Variants in DYNC1I1 observed in about 807,000 individuals in gnomAD.
The protein encoded by DYNC1I1 is dynein cytoplasmic 1 intermediate chain 1.
DYNC1I1 carries 43 observed loss-of-function variants against 86.6 expected under a neutral mutation model. The ratio of observed to expected loss-of-function variants is 0.50; its 90% CI spans 0.39 to 0.64. The LOEUF is 0.64. DYNC1I1 is among the 30% of genes least tolerant of loss of function. The probability of loss-of-function intolerance (pLI) is 0.00; values close to 1 mark genes in which losing one functional copy is unlikely to be tolerated. For synonymous variants in DYNC1I1, 262 were observed against 283.7 expected (o/e 0.92, Z 0.77); for missense variants, 604 against 788.8 (o/e 0.77, Z 2.81).
chr7:95,833,125 C>G (rs1261780632), intron 5 of DYNC1I1, among the ~76,000 whole-genome samples: 1 of 147,774 alleles, frequency 6.8e-6, no homozygotes, highest in Non-Finnish European at 1.5e-5. Flanking sequence ...AGTCTTTAAT[C>G]CATCTTGAAT....
chr7:95,783,853 T>C (rs980984445), intron 1 of DYNC1I1, among the ~76,000 whole-genome samples: 2 of 152,248 alleles, frequency 1.3e-5, no homozygotes, highest in Admixed American at 6.5e-5. Context: ...TGCTTGCCTG[T>C]ACCTAATTTT....
At chr7:96,048,761 C>T (rs1195801581) in intron 14 of DYNC1I1, among the ~76,000 whole-genome samples, 1 of 152,100 alleles carries the variant, frequency 6.6e-6, no homozygotes, top group Non-Finnish European at 1.5e-5. Context: ...CCACCTGCAA[C>T]AAGGTTTCCT....
chr7:95,811,753 A>G (rs1794835570), intron 3 of DYNC1I1, among the ~76,000 whole-genome samples: 1 of 152,052 alleles, frequency 6.6e-6, no homozygotes, highest in Admixed American at 6.6e-5. Flanking sequence ...TGACTGATGG[A>G]CCTTCTTTTC....
intron 2 of DYNC1I1, among the ~76,000 whole-genome samples, chr7:95,806,795 AG>A (rs1469807747): frequency 2.0e-5 from 3 of 152,080 alleles, no homozygotes; most frequent in African/African-American, 7.2e-5. Context: ...CTCCCCTCAA[AG>A]AGGTCTTTCC....
At chr7:96,084,025 C>G (rs1459043268) in intron 16 of DYNC1I1, among the ~76,000 whole-genome samples, 1 of 152,116 alleles carries the variant, frequency 6.6e-6, no homozygotes, top group Non-Finnish European at 1.5e-5. Flanking sequence ...CATATTCATT[C>G]TCCCAGTGTT....
chr7:95,904,923 G>T (rs1353522130), intron 6 of DYNC1I1, among the ~76,000 whole-genome samples: 2 of 152,142 alleles, frequency 1.3e-5, no homozygotes, highest in Non-Finnish European at 2.9e-5. Context: ...TCACATCTCT[G>T]TTCAAAGTTT....
intron 10 of DYNC1I1, among the ~76,000 whole-genome samples, chr7:96,018,536 A>G (rs930922971): frequency 1.3e-5 from 2 of 152,196 alleles, no homozygotes; most frequent in African/African-American, 2.4e-5. Context: ...GTAAATAGCC[A>G]TGTAGCCGGG....
intron 5 of DYNC1I1, among the ~76,000 whole-genome samples, chr7:95,831,005 A>G (rs575375183): frequency 1.3e-5 from 2 of 152,252 alleles, no homozygotes; most frequent in South Asian, 2.1e-4. Context: ...TATTTGCCAT[A>G]TGAGTATCCT....
intron 6 of DYNC1I1, among the ~76,000 whole-genome samples, chr7:95,911,358 A>G (rs991260496): frequency 6.6e-6 from 1 of 152,150 alleles, no homozygotes; most frequent in Non-Finnish European, 1.5e-5. Flanking sequence ...GAGGCAGATT[A>G]TTGGAGTGGG....
At chr7:95,942,398 A>C (rs1459487384) in intron 6 of DYNC1I1, among the ~76,000 whole-genome samples, 1 of 152,218 alleles carries the variant, frequency 6.6e-6, no homozygotes, top group East Asian at 1.9e-4. Flanking sequence ...CCAACCAAAA[A>C]GAGCCCAGGA....
intron 14 of DYNC1I1, among the ~76,000 whole-genome samples, chr7:96,042,884 G>A (rs192553377): frequency 6.6e-6 from 1 of 152,158 alleles, no homozygotes; most frequent in Admixed American, 6.5e-5. Context: ...AAAATGGGCC[G>A]GGGACTGTGG....
At chr7:95,982,997 A>G (rs1177616906) in intron 7 of DYNC1I1, among the ~76,000 whole-genome samples, 1 of 152,172 alleles carries the variant, frequency 6.6e-6, no homozygotes, top group African/African-American at 2.4e-5. Context: ...AAGTTTAGGT[A>G]TCATCCCCAT....
Position 95,867,182 on chromosome 7 carries a change from C to A in DYNC1I1, c.375-2701C>A, listed in dbSNP as rs542473004. On this transcript the variant is annotated intron_variant, in intron 5 of 16. Coordinates refer to ENST00000447467, the MANE Select transcript of DYNC1I1 (RefSeq NM_001135556.2). The stretch of plus-strand genomic sequence containing the variant: ...CTTCAACTCTACTATCTTAAGGAAT[C>A]TTTAATGTAGGACACTCCTAAATCT... 1.4e-3 allele frequency among the ~76,000 whole-genome samples: 206 copies of A among 152,296 alleles called. 1 individual carries two copies. Among genetic ancestry groups the A allele is most frequent in the Non-Finnish European group, 2.9e-4 (20 of 68,034 alleles).
intron 2 of DYNC1I1, 32 bp from the exon 3 acceptor site, chr7:95,810,360 T>C (rs1330939283): frequency 6.4e-7 from 1 of 1,554,250 alleles, no homozygotes; most frequent in Non-Finnish European, 8.8e-7. Flanking sequence ...TTAGTTATGT[T>C]ATTAACTTTT....
At chr7:95,852,486 T>C (rs978101308) in intron 5 of DYNC1I1, among the ~76,000 whole-genome samples, 8 of 152,074 alleles carry the variant, frequency 5.3e-5, no homozygotes, top group African/African-American at 1.7e-4. Context: ...TTCTAGTCTT[T>C]ATTTTTCTTC....
rs116077077 is a variant in DYNC1I1 at position 95,946,878 on chromosome 7, G to A, written c.491-30634G>A. On this transcript the variant is annotated intron_variant, in intron 6 of 16. Transcript: ENST00000447467. ...GTGTGCTATAGAGAAGAAAAGGAGTGGAGTAAAAGAGACAGACAGCTGGTT... is the reference window on the plus strand; with the variant it reads ...GTGTGCTATAGAGAAGAAAAGGAGTAGAGTAAAAGAGACAGACAGCTGGTT... Among the ~76,000 whole-genome samples the A allele has an allele frequency of 2.7e-3, 408 of 152,222 alleles. 3 individuals carry two copies. The highest frequency in any genetic ancestry group is 9.3e-3 in the African/African-American group (385 of 41,534).
At chr7:95,983,952 C>T (rs1793518892) in intron 7 of DYNC1I1, among the ~76,000 whole-genome samples, 5 of 152,146 alleles carry the variant, frequency 3.3e-5, no homozygotes, top group Admixed American at 3.3e-4. Context: ...ACAGTTTCTG[C>T]CCTTGATGGT....
At chr7:95,907,375 CTT>C (rs1791203363) in intron 6 of DYNC1I1, among the ~76,000 whole-genome samples, 1 of 152,056 alleles carries the variant, frequency 6.6e-6, no homozygotes, top group African/African-American at 2.4e-5. Flanking sequence ...TTGGGGGAAA[CTT>C]TAGGACTTCT....
At chr7:95,785,558 G>A (rs983596749) in intron 1 of DYNC1I1, among the ~76,000 whole-genome samples, 25 of 151,462 alleles carry the variant, frequency 1.7e-4, no homozygotes, top group Non-Finnish European at 2.2e-4. Context: ...GTACTCTGAC[G>A]GTTTTTATAA....
Sources: gnomAD v4.1 joint callset for allele counts (sites outside exome capture counted in the v4.1 genomes callset) on GRCh38, gnomAD v4.1.1 for gene constraint, MANE v1.5 for transcripts, NCBI Gene and HGNC (gene_info 2026-07-23, HGNC 2026-07-21) for gene names.